CD22: variants seen among roughly 807,000 people sequenced by gnomAD.
CD22 encodes B-cell receptor CD22.
CD22 carries 51 observed loss-of-function variants against 94.7 expected under a neutral mutation model. That is an observed-to-expected ratio of 0.54 (90% CI 0.43 to 0.68). CD22 has a LOEUF of 0.68. CD22 is among the 30% of genes least tolerant of loss of function. The pLI is 0.00. For missense variants in CD22, 931 were observed against 1,060.4 expected (o/e 0.88, Z 1.69); for synonymous variants, 424 against 422.5 (o/e 1.00, Z -0.04).
intron 3 of CD22, among the ~76,000 whole-genome samples, chr19:35,334,464 A>G (rs61404615): frequency 0.045 from 6,845 of 152,322 alleles, 223 homozygotes; most frequent in East Asian, 0.13. Flanking sequence ...AGCACTGCAC[A>G]TGTAGGGGTG....
In CD22 at chr19:35,346,639, G is replaced by C. The variant is rs752509000; in HGVS notation, c.2486G>C (p.Gly829Ala). The C allele has an allele frequency of 1.6e-5, 26 of 1,608,190 alleles. No individual in the cohort carries two copies. The highest frequency in any genetic ancestry group is 2.2e-5 in the Non-Finnish European group (26 of 1,177,138). Residue 829 changes from glycine to alanine, a missense_variant, in exon 14 of 14, where the codon GGG (glycine) becomes GCG (alanine). Coordinates refer to ENST00000085219, the MANE Select transcript of CD22 (RefSeq NM_001771.4). The stretch of plus-strand genomic sequence containing the variant: ...CATTACTCAGAGCTGATCCAGTTTG[G>C]GGTCGGGGAGCGGCCTCAGGCACAA... ...GIHYSELIQF[G>A]VGERPQAQEN...
intron 6 of CD22, among the ~76,000 whole-genome samples, chr19:35,339,420 G>A (rs1043620677): frequency 1.3e-5 from 2 of 151,958 alleles, no homozygotes; most frequent in African/African-American, 2.4e-5. Context: ...AGCCTGGCAT[G>A]GTCATGCATG....
chr19:35,335,686 C>T (rs1046591278), intron 3 of CD22, among the ~76,000 whole-genome samples: 7 of 152,040 alleles, frequency 4.6e-5, no homozygotes, highest in African/African-American at 1.4e-4. Context: ...AACCCTGTCT[C>T]TACTAGAAAT....
At chr19:35,339,232 G>A (rs2066770821) in intron 6 of CD22, among the ~76,000 whole-genome samples, 1 of 148,708 alleles carries the variant, frequency 6.7e-6, no homozygotes, top group East Asian at 2.0e-4. Context: ...AGCAAGACCT[G>A]GGTCTCAAAA....
intron 13 of CD22, 70 bp downstream of exon 13, chr19:35,346,305 G>A: frequency 1.5e-6 from 2 of 1,370,666 alleles, no homozygotes; most frequent in Non-Finnish European, 2.1e-6. Context: ...GGCCTCAGTG[G>A]TGGGTCCCAC....
rs143158221 is a variant in CD22 at position 35,342,622 on chromosome 19, G to A, written c.2035+657G>A. Among the ~76,000 whole-genome samples the A allele has an allele frequency of 2.0e-5, 3 of 152,086 alleles. No homozygotes were observed. The East Asian group carries it at 5.8e-4, about 29-fold the overall frequency. On this transcript the variant is annotated intron_variant, in intron 9 of 13. Transcript: ENST00000085219. ...CATCTGCCGCTGTGCTGGAGGAGTC[G>A]TCTTGTCCTGCGTCACCAGTCTCTC... is the stretch of plus-strand genomic sequence containing the variant.
chr19:35,339,105 G>A (rs2066768866), intron 6 of CD22, among the ~76,000 whole-genome samples: 1 of 152,022 alleles, frequency 6.6e-6, no homozygotes, highest in Non-Finnish European at 1.5e-5. Flanking sequence ...GCATGGTGGT[G>A]CGTGCCTGTG....
At chr19:35,343,761 G>A (rs369872464) in intron 9 of CD22, among the ~76,000 whole-genome samples, 8 of 151,866 alleles carry the variant, frequency 5.3e-5, no homozygotes, top group Non-Finnish European at 8.8e-5. Context: ...TTTTAAAAAC[G>A]AACAAACAAA....
chr19:35,345,714 G>A lies in CD22; in HGVS notation c.2321G>A (p.Arg774Gln), dbSNP rs143516468. Residue 774 changes from arginine to glutamine, a missense_variant, in exon 12 of 14, where the codon CGA becomes CAA. By Grantham distance (43) the Arg-to-Gln change is conservative (BLOSUM62 1). Transcript: ENST00000085219. Reference sequence around the variant, plus strand: ...CGCTTTCCCGAGATGAACATACCACGAACTGGGTACTGAGGGTACCAGGAG... The same window carrying A: ...CGCTTTCCCGAGATGAACATACCACAAACTGGGTACTGAGGGTACCAGGAG... ...TLRFPEMNIPRTGDAESSEMQ... is the reference protein window; with the variant it reads ...TLRFPEMNIPQTGDAESSEMQ... 10 of 1,603,284 alleles carry A rather than the reference G, an allele frequency of 6.2e-6. No individual in the cohort carries two copies. The highest frequency in any genetic ancestry group is 1.3e-5 in the African/African-American group (1 of 74,720).
At chr19:35,330,906 C>T (rs1401554135) in intron 1 of CD22, 1 of 152,078 alleles carries the variant, frequency 6.6e-6, no homozygotes, top group Non-Finnish European at 1.5e-5. Context: ...GTTTGACCAG[C>T]TCTGTACATT....
chr19:35,329,261 C>G (rs2066613810), intron 1 of CD22, 31 bp downstream of exon 1: 1 of 1,278,472 alleles, frequency 7.8e-7, no homozygotes, highest in Non-Finnish European at 1.0e-6. Context: ...ATTTTGCATT[C>G]AACAAGCAAG....
chr19:35,332,181 G>T (rs1004509075), intron 2 of CD22, 107 bp downstream of exon 2: 4 of 1,240,274 alleles, frequency 3.2e-6, no homozygotes, highest in Middle Eastern at 1.9e-4. Context: ...TAGGGTGGGG[G>T]CAGCGGTGTG....
Position 35,337,924 on chromosome 19 carries a change from G to A in CD22, c.888G>A (p.Leu296=). ...LKKQNTFTLN[L]REVTKDQSGK... ...AGCAGAATACATTCACGCTAAACCT[G>A]CGCGAAGTGACCAAGGACCAGAGTG... The change falls in exon 5 of 14, where the codon CTG becomes CTA. Residue 296 remains leucine, a synonymous_variant. Transcript: ENST00000085219. This position sits in a 1 kb window ranked among gnomAD's most constrained non-coding sequence, Gnocchi z 4.4. The A allele has an allele frequency of 1.9e-6, 3 of 1,614,244 alleles. No homozygotes were observed. Among genetic ancestry groups the A allele is most frequent in the Non-Finnish European group, 2.5e-6 (3 of 1,180,040 alleles).
intron 2 of CD22, 138 bp downstream of exon 2, chr19:35,332,212 AAT>A (rs1412454755): frequency 3.6e-5 from 32 of 881,650 alleles, no homozygotes; most frequent in Admixed American, 8.9e-5. Context: ...TGTACATACA[AAT>A]ATATATGTTT....
chr19:35,344,945 C>T lies in CD22; in HGVS notation c.2132+20C>T, dbSNP rs762943032. ...GCGACGGTGAGCTCCTGCCATCCCCCACCACCTCCTCTATCCCTTGGCAGA... is the reference window on the plus strand; with the variant it reads ...GCGACGGTGAGCTCCTGCCATCCCCTACCACCTCCTCTATCCCTTGGCAGA... On this transcript the variant is annotated intron_variant, in intron 10 of 13. Transcript: ENST00000085219. The T allele has an allele frequency of 3.1e-6, 5 of 1,607,338 alleles. No individual in the cohort carries two copies. The African/African-American group carries it at 4.0e-5, about 13-fold the overall frequency.
Position 35,329,196 on chromosome 19 carries a change from C to T in CD22, c.-57C>T, listed in dbSNP as rs2066612943. 7.8e-7 allele frequency: 1 copy of T among 1,289,500 alleles called. No homozygotes were observed. Among genetic ancestry groups the T allele is most frequent in the Non-Finnish European group, 1.0e-6 (1 of 988,714 alleles). 79.9% of individuals were successfully genotyped at this position (1,289,500 alleles called of 1,614,324 possible). A position where few individuals can be genotyped will look rare whatever the true frequency, so the allele number is the denominator to read the frequency against. ...TTCTCCTTTTGCTCTCAGATGCTGC[C>T]AGGGTCCCTGAAGAGGGAAGACACG... On this transcript the variant is annotated 5_prime_UTR_variant, in exon 1 of 14. Coordinates refer to ENST00000085219, the MANE Select transcript of CD22 (RefSeq NM_001771.4).
chr19:35,342,709 A>T (rs1397856060), intron 9 of CD22, among the ~76,000 whole-genome samples: 1 of 151,778 alleles, frequency 6.6e-6, no homozygotes, highest in Admixed American at 6.6e-5. Context: ...AGGCTGCTCC[A>T]CCTTCCAGAA....
chr19:35,341,180 G>A lies in CD22; in HGVS notation c.1507+42G>A, dbSNP rs780264204. The stretch of plus-strand genomic sequence containing the variant: ...GGCAGGGGGATCTGGGAGGTGGCCC[G>A]GCTGGGATGAGGGGATGAAGGCAAC... On this transcript the variant is annotated intron_variant, in intron 7 of 13. Coordinates refer to ENST00000085219, the MANE Select transcript of CD22 (RefSeq NM_001771.4). This position sits in a 1 kb window ranked among gnomAD's most constrained non-coding sequence, Gnocchi z 4.0. 9.3e-6 allele frequency: 15 copies of A among 1,611,980 alleles called. No individual in the cohort carries two copies. The highest frequency in any genetic ancestry group is 1.3e-5 in the African/African-American group (1 of 74,990).
intron 4 of CD22, 104 bp downstream of exon 4, chr19:35,336,445 G>T: frequency 3.6e-6 from 4 of 1,113,682 alleles, no homozygotes; most frequent in Non-Finnish European, 2.5e-6. Context: ...CTGCACAGAC[G>T]GCGGCATCCT....
Sources: allele counts gnomAD v4.1 joint callset (sites outside exome capture counted in the v4.1 genomes callset), GRCh38; gene constraint gnomAD v4.1.1; non-coding constraint Gnocchi (gnomAD v3.1); transcripts MANE v1.5; gene names NCBI Gene and HGNC (gene_info 2026-07-23, HGNC 2026-07-21).